The following FCHO1 variants were observed in gnomAD, a reference collection of about 807,000 sequenced individuals.
The protein encoded by FCHO1 is F-BAR domain only protein 1.
A neutral mutation model predicts 114.4 loss-of-function variants in FCHO1; 45 were observed. The observed-to-expected ratio is 0.39, with a 90% confidence interval of 0.31 to 0.50. The LOEUF (loss-of-function observed/expected upper bound fraction) is 0.50. Ranked by LOEUF, FCHO1 falls within the 20% of genes least tolerant of loss-of-function variation. The pLI is 0.77. For missense variants in FCHO1, 1,042 were observed against 1,209.6 expected (o/e 0.86, Z 2.06); for synonymous variants, 480 against 488.9 (o/e 0.98, Z 0.24).
At position 17,776,920 on chromosome 19, in the gene FCHO1, C is replaced by T. The variant is rs1431983939; in HGVS notation, c.1259+234C>T. Among the ~76,000 whole-genome samples, 1 of 152,078 alleles carries T rather than the reference C, an allele frequency of 6.6e-6. No homozygotes were observed. The highest frequency in any genetic ancestry group is 2.4e-5 in the African/African-American group (1 of 41,426). ...TCAAGCGATTTTCATGCCTCAGCCTCCTAAGTAGCTGAGATTACAGGCACC... is the reference window on the plus strand; with the variant it reads ...TCAAGCGATTTTCATGCCTCAGCCTTCTAAGTAGCTGAGATTACAGGCACC... On this transcript the variant is annotated intron_variant, in intron 18 of 28. Coordinates refer to ENST00000596536, the MANE Select transcript of FCHO1 (RefSeq NM_015122.3). This position sits in a 1 kb window ranked among gnomAD's most constrained non-coding sequence, Gnocchi z 4.4.
chr19:17,761,271 T>C (rs890025330), intron 4 of FCHO1, among the ~76,000 whole-genome samples: 1 of 152,054 alleles, frequency 6.6e-6, no homozygotes, highest in Non-Finnish European at 1.5e-5. Flanking sequence ...GGAATTTCCA[T>C]GTTGACAAGA....
intron 7 of FCHO1, 105 bp from the exon 8 acceptor site, chr19:17,770,319 AC>A: frequency 1.0e-6 from 1 of 968,076 alleles, no homozygotes; most frequent in Non-Finnish European, 1.4e-6. Flanking sequence ...CCAAACCAAA[AC>A]ACACACACAC....
rs922403326 is a variant in FCHO1, at chr19:17,786,355, AAAAC to A, written c.2427-213_2427-210del. Among the ~76,000 whole-genome samples the A allele has an allele frequency of 6.4e-4, 83 of 128,800 alleles. 3 individuals carry two copies. Among genetic ancestry groups the A allele is most frequent in the Non-Finnish European group, 1.7e-4 (10 of 57,322 alleles). 84.5% of individuals were successfully genotyped at this position (128,800 alleles called of 152,430 possible). A position where few individuals can be genotyped will look rare whatever the true frequency, so the allele number is the denominator to read the frequency against. On this transcript the variant is annotated intron_variant, in intron 26 of 28. Coordinates refer to ENST00000596536, the MANE Select transcript of FCHO1 (RefSeq NM_015122.3). The stretch of plus-strand genomic sequence containing the variant: ...CTCAAAAAAACACACAAAAAAACAC[AAAAC>A]AAACACACACACACACACACACACA...
rs543158777 is a variant in FCHO1, at chr19:17,779,977, C to CCTGGGGG, written c.1627+1097_1627+1103dup. Among the ~76,000 whole-genome samples, 57 of 151,614 alleles carry CCTGGGGG rather than the reference C, an allele frequency of 3.8e-4. 1 individual carries two copies. In the East Asian group the frequency reaches 0.011, roughly 29 times the overall value. On this transcript the variant is annotated intron_variant, in intron 20 of 28. Transcript: ENST00000596536. ...TGGGGGGAGAGCGGCGGGATGGGCT[C>CCTGGGGG]CTGGGGGCTGTCTGAGGAGAATGGG...
In FCHO1 at chr19:17,784,244, C is replaced by T. The variant is rs555693326; in HGVS notation, c.2226+9C>T. ...TGCTGCTGCGATACCAGGTGCGCCA[C>T]CCGCATGGGGCCGGGAGGAGGTGGT... On this transcript the variant is annotated intron_variant, in intron 25 of 28. Coordinates refer to ENST00000596536, the MANE Select transcript of FCHO1 (RefSeq NM_015122.3). This position sits in a 1 kb window ranked among gnomAD's most constrained non-coding sequence, Gnocchi z 5.3. The T allele has an allele frequency of 5.6e-6, 9 of 1,593,458 alleles. No homozygotes were observed. The highest frequency in any genetic ancestry group is 4.5e-5 in the South Asian group (4 of 89,018).
chr19:17,785,080 T>C (rs537037377), intron 26 of FCHO1, among the ~76,000 whole-genome samples, 156 bp downstream of exon 26: 1 of 152,250 alleles, frequency 6.6e-6, no homozygotes, highest in East Asian at 1.9e-4. Flanking sequence ...GAGTGCCAGG[T>C]GCAGTGGCTC....
Position 17,768,429 on chromosome 19 carries a change from T to C in FCHO1, c.336+1619T>C, listed in dbSNP as rs181484968. Reference sequence around the variant, plus strand: ...CTTGCTAGCCAGGAGCGATGGCTCATGCCTGTAATCCCAGCACTTTGGGAA... The same window carrying C: ...CTTGCTAGCCAGGAGCGATGGCTCACGCCTGTAATCCCAGCACTTTGGGAA... On this transcript the variant is annotated intron_variant, in intron 7 of 28. Coordinates refer to ENST00000596536, the MANE Select transcript of FCHO1 (RefSeq NM_015122.3). Among the ~76,000 whole-genome samples the C allele has an allele frequency of 2.1e-3, 322 of 151,552 alleles. 5 individuals are homozygous for C. Among genetic ancestry groups the C allele is most frequent in the African/African-American group, 7.2e-3 (298 of 41,424 alleles).
upstream of FCHO1, among the ~76,000 whole-genome samples, chr19:17,749,395 C>G (rs980757817): frequency 6.6e-6 from 1 of 152,058 alleles, no homozygotes; most frequent in African/African-American, 2.4e-5. Context: ...TAAATACAGA[C>G]ATGATTATTA....
intron 6 of FCHO1, among the ~76,000 whole-genome samples, chr19:17,766,269 C>G (rs1009976070): frequency 6.7e-6 from 1 of 148,376 alleles, no homozygotes; most frequent in East Asian, 2.0e-4. Context: ...CTCCACCTCC[C>G]GGGTTCAAGC....
intron 18 of FCHO1, among the ~76,000 whole-genome samples, chr19:17,777,055 G>A (rs970211691): frequency 6.6e-6 from 1 of 151,532 alleles, no homozygotes; most frequent in Non-Finnish European, 1.5e-5. Flanking sequence ...ACCTCGGCTT[G>A]CCAAAGTGCT....
At position 17,776,168 on chromosome 19, in the gene FCHO1, C is replaced by T. The variant is rs768068534; in HGVS notation, c.1182+7C>T. ...CCTTCCTCCTGGCCCAGGGGTGAGGCGTGGGAGGGGTGCCCTGGGTGTTGC... is the reference window on the plus strand; with the variant it reads ...CCTTCCTCCTGGCCCAGGGGTGAGGTGTGGGAGGGGTGCCCTGGGTGTTGC... On this transcript the variant is annotated splice_region_variant and intron_variant, in intron 16 of 28. Coordinates refer to ENST00000596536, the MANE Select transcript of FCHO1 (RefSeq NM_015122.3). The surrounding 1 kb of genome is among the most constrained non-coding windows in gnomAD (Gnocchi z 4.4). 42 of 1,613,772 alleles carry T rather than the reference C, an allele frequency of 2.6e-5. No homozygotes were observed. Among genetic ancestry groups the T allele is most frequent in the African/African-American group, 4.0e-5 (3 of 74,854 alleles).
At position 17,765,039 on chromosome 19, in the gene FCHO1, G is replaced by A. The variant is rs569595283; in HGVS notation, c.194+590G>A. Among the ~76,000 whole-genome samples the A allele has an allele frequency of 6.7e-5, 10 of 149,136 alleles. No individual in the cohort carries two copies. In the East Asian group the frequency reaches 2.0e-3, roughly 30 times the overall value. On this transcript the variant is annotated intron_variant, in intron 6 of 28. Coordinates refer to ENST00000596536, the MANE Select transcript of FCHO1 (RefSeq NM_015122.3). ...AGATTGTGCCACTGCACTCCAGCCTGGGCAATAAGAGCGAAAACTCTGTTT... is the reference window on the plus strand; with the variant it reads ...AGATTGTGCCACTGCACTCCAGCCTAGGCAATAAGAGCGAAAACTCTGTTT...
rs146771767 is a variant in FCHO1 at position 17,769,535 on chromosome 19, C to T, written c.337-890C>T. Among the ~76,000 whole-genome samples, 1,150 of 150,876 alleles carry T rather than the reference C, an allele frequency of 7.6e-3. 14 individuals carry two copies. Among genetic ancestry groups the T allele is most frequent in the African/African-American group, 0.027 (1,096 of 41,066 alleles). On this transcript the variant is annotated intron_variant, in intron 7 of 28. Coordinates refer to ENST00000596536, the MANE Select transcript of FCHO1 (RefSeq NM_015122.3). ...CGGAGCTTGCAGTGAGCCAAGATCG[C>T]GCCACTGCACTCCAGCCTGGGTGAC...
intron 4 of FCHO1, chr19:17,755,477 C>T (rs2083140843): frequency 3.3e-6 from 1 of 306,008 alleles, no homozygotes; most frequent in Non-Finnish European, 6.1e-6. Context: ...AGTGCAGAGT[C>T]AGTGCTCAAA....
intron 27 of FCHO1, 50 bp from the exon 28 acceptor site, chr19:17,787,632 G>T (rs1044303071): frequency 7.3e-5 from 110 of 1,510,070 alleles, no homozygotes; most frequent in Non-Finnish European, 9.6e-5. Flanking sequence ...CTGGTTCACA[G>T]CTGGGACGGG....
rs2092685333 is a variant in FCHO1, at chr19:17,776,775, G to A, written c.1259+89G>A. 3 of 1,270,198 alleles carry A rather than the reference G, an allele frequency of 2.4e-6. No individual in the cohort carries two copies. Among genetic ancestry groups the A allele is most frequent in the Non-Finnish European group, 3.4e-6 (3 of 889,622 alleles). The allele number at this position is 1,270,198 out of a possible 1,614,324, so 78.7% of individuals were successfully genotyped here. A position where few individuals can be genotyped will look rare whatever the true frequency, so the allele number is the denominator to read the frequency against. ...CTCCGCCTGGTGTTCTCTTGTCCCGGCTGGGAGTTGACGTCATGCTGGGGT... is the reference window on the plus strand; with the variant it reads ...CTCCGCCTGGTGTTCTCTTGTCCCGACTGGGAGTTGACGTCATGCTGGGGT... On this transcript the variant is annotated intron_variant, in intron 18 of 28. Transcript: ENST00000596536. The surrounding 1 kb of genome is among the most constrained non-coding windows in gnomAD (Gnocchi z 4.4).
rs959839259 is a variant in FCHO1 at position 17,784,038 on chromosome 19, T to G, written c.2094-65T>G. 1.9e-6 allele frequency: 3 copies of G among 1,566,416 alleles called. No homozygotes were observed. The highest frequency in any genetic ancestry group is 2.6e-6 in the Non-Finnish European group (3 of 1,148,372). The stretch of plus-strand genomic sequence containing the variant: ...ATTGCATCTTTAGGAAGGGGTAGAT[T>G]GAATGCTGGGAGCCCTGGGAGGGCA... On this transcript the variant is annotated intron_variant, in intron 24 of 28. Coordinates refer to ENST00000596536, the MANE Select transcript of FCHO1 (RefSeq NM_015122.3). The surrounding 1 kb of genome is among the most constrained non-coding windows in gnomAD (Gnocchi z 5.3).
At chr19:17,754,006 AG>A (rs1177044586) in intron 1 of FCHO1, among the ~76,000 whole-genome samples, 7 of 152,220 alleles carry the variant, frequency 4.6e-5, no homozygotes, top group African/African-American at 1.4e-4. Context: ...AGGCACAGAG[AG>A]GGGCAGCCTT....
chr19:17,787,082 C>T (rs370434647), intron 27 of FCHO1, among the ~76,000 whole-genome samples: 191 of 151,360 alleles, frequency 1.3e-3, no homozygotes, highest in African/African-American at 4.5e-3. Flanking sequence ...AAATTAGCCG[C>T]GTGTGGTGGC....
Sources: gnomAD v4.1 joint callset for allele counts (sites outside exome capture counted in the v4.1 genomes callset) on GRCh38, gnomAD v4.1.1 for gene constraint, Gnocchi (gnomAD v3.1) non-coding constraint, MANE v1.5 for transcripts, NCBI Gene and HGNC (gene_info 2026-07-23, HGNC 2026-07-21) for gene names.